The following HS1BP3 variants were observed in gnomAD, a reference collection of about 807,000 sequenced individuals.
HS1BP3 encodes HCLS1 binding protein 3.
Under a neutral mutation model 33.5 loss-of-function variants are expected in HS1BP3, and 32 were observed. The ratio of observed to expected loss-of-function variants is 0.95; its 90% CI spans 0.72 to 1.28. The LOEUF is 1.28. HS1BP3 is among the 50% of genes most tolerant of loss of function. HS1BP3 has a pLI of 0.00. For missense variants in HS1BP3, 486 were observed against 502.3 expected, an observed-to-expected ratio of 0.97 and a Z score of 0.31; for synonymous variants, 187 against 209.2, an observed-to-expected ratio of 0.89 and a Z score of 0.92.
intron 2 of HS1BP3, among the ~76,000 whole-genome samples, chr2:20,612,370 G>A (rs184016598): frequency 1.3e-5 from 2 of 152,202 alleles, no homozygotes; most frequent in East Asian, 3.9e-4. Flanking sequence ...GTGTACAATT[G>A]AACAATTTTA....
rs558586479 is a variant in HS1BP3, at chr2:20,632,775, A to G, written c.623+5661T>C. ...TAAGCAGGCTCCTTCCTCCAGGGCCAGGGGCTGCCCCACCTCCAGAATCGC... is the reference window on the plus strand; with the variant it reads ...TAAGCAGGCTCCTTCCTCCAGGGCCGGGGGCTGCCCCACCTCCAGAATCGC... On this transcript the variant is annotated intron_variant, in intron 4 of 6. Transcript: ENST00000304031. Among the ~76,000 whole-genome samples the G allele has an allele frequency of 5.9e-5, 9 of 152,326 alleles. No homozygotes were observed. In the East Asian group the frequency reaches 9.7e-4, roughly 16 times the overall value.
downstream of HS1BP3, among the ~76,000 whole-genome samples, chr2:20,557,117 C>A (rs114939147): frequency 4.9e-3 from 751 of 152,326 alleles, 11 homozygotes; most frequent in African/African-American, 0.018. Context: ...GGTTCAAAAT[C>A]ATTTTCTCTC....
At chr2:20,567,903 C>A (rs1249876352) in intron 5 of HS1BP3, among the ~76,000 whole-genome samples, 1 of 152,162 alleles carries the variant, frequency 6.6e-6, no homozygotes, top group Admixed American at 6.5e-5. Context: ...CCACAGCTGG[C>A]CCCCAGCACC....
intron 4 of HS1BP3, among the ~76,000 whole-genome samples, chr2:20,632,758 C>A (rs1323800360): frequency 6.6e-6 from 1 of 152,196 alleles, no homozygotes; most frequent in East Asian, 1.9e-4. Flanking sequence ...GGTAAGCAGG[C>A]TCCTTCCTCC....
At chr2:20,617,311 T>G (rs1694450238), downstream of HS1BP3, among the ~76,000 whole-genome samples, 1 of 151,532 alleles carries the variant, frequency 6.6e-6, no homozygotes, top group Non-Finnish European at 1.5e-5. Flanking sequence ...GGGGCGGGTG[T>G]GAAGGGGGAA....
At chr2:20,577,002 T>C (rs1291366924) in intron 5 of HS1BP3, among the ~76,000 whole-genome samples, 1 of 152,224 alleles carries the variant, frequency 6.6e-6, no homozygotes, top group East Asian at 1.9e-4. Context: ...TTCCTGGGAA[T>C]GCCCTGGGAA....
At chr2:20,607,438 G>A (rs1390814644) in intron 2 of HS1BP3, among the ~76,000 whole-genome samples, 1 of 152,196 alleles carries the variant, frequency 6.6e-6, no homozygotes, top group Non-Finnish European at 1.5e-5. Context: ...TTACAGGCAT[G>A]AGCCACCACA....
intron 5 of HS1BP3, among the ~76,000 whole-genome samples, chr2:20,561,024 A>C (rs1692980080): frequency 6.6e-6 from 1 of 152,024 alleles, no homozygotes; most frequent in African/African-American, 2.4e-5. Flanking sequence ...CAGCCAGTAC[A>C]CCCTACCCCC....
chr2:20,644,461 G>A (rs189393184), intron 2 of HS1BP3, among the ~76,000 whole-genome samples: 1 of 152,094 alleles, frequency 6.6e-6, no homozygotes, highest in East Asian at 1.9e-4. Context: ...GCCTGAGCTC[G>A]TCCCGAGCTC....
chr2:20,604,683 A>G (rs1694136720), intron 2 of HS1BP3, among the ~76,000 whole-genome samples: 1 of 152,216 alleles, frequency 6.6e-6, no homozygotes, highest in Admixed American at 6.5e-5. Context: ...GCAAGCTGGG[A>G]TTCACATCCA....
At chr2:20,585,722 T>C (rs62124228) in intron 5 of HS1BP3, among the ~76,000 whole-genome samples, 11,839 of 152,290 alleles carry the variant, frequency 0.078, 635 homozygotes, top group African/African-American at 0.15. Context: ...CAGCTCTTCT[T>C]CCAGCCCCAC....
At chr2:20,633,202 C>A (rs945222882) in intron 4 of HS1BP3, among the ~76,000 whole-genome samples, 6 of 152,180 alleles carry the variant, frequency 3.9e-5, no homozygotes, top group African/African-American at 1.4e-4. Context: ...GGGGTAGCCA[C>A]ACATCCTGGG....
At chr2:20,577,966 A>G (rs992410716) in intron 5 of HS1BP3, among the ~76,000 whole-genome samples, 5 of 152,088 alleles carry the variant, frequency 3.3e-5, no homozygotes, top group Admixed American at 3.3e-4. Flanking sequence ...TGTGACTTCA[A>G]CCCCCTTCAC....
chr2:20,630,675 G>A (rs12329112), intron 4 of HS1BP3, among the ~76,000 whole-genome samples: 7,251 of 152,294 alleles, frequency 0.048, 590 homozygotes, highest in African/African-American at 0.16. Flanking sequence ...CCTTGGAGAA[G>A]CAATCACAAG....
At chr2:20,578,141 C>T (rs777348802) in intron 5 of HS1BP3, among the ~76,000 whole-genome samples, 2 of 152,218 alleles carry the variant, frequency 1.3e-5, no homozygotes, top group Non-Finnish European at 2.9e-5. Flanking sequence ...GTGCAGGAAG[C>T]AGGCTCACGT....
downstream of HS1BP3, among the ~76,000 whole-genome samples, chr2:20,559,358 G>A (rs116046435): frequency 8.1e-3 from 1,228 of 152,342 alleles, 16 homozygotes; most frequent in African/African-American, 0.029. Flanking sequence ...AGCACCTCAA[G>A]GGTAGGATTG....
chr2:20,596,755 C>T (rs1186288118), intron 3 of HS1BP3, among the ~76,000 whole-genome samples: 1 of 152,232 alleles, frequency 6.6e-6, no homozygotes, highest in African/African-American at 2.4e-5. Context: ...CTACCCATCA[C>T]AGCCTTCCTC....
downstream of HS1BP3, among the ~76,000 whole-genome samples, chr2:20,615,108 G>C (rs1050560636): frequency 4.6e-5 from 7 of 152,214 alleles, no homozygotes; most frequent in African/African-American, 1.4e-4. Context: ...ACCGGGCAGG[G>C]AAGTCCCTCT....
chr2:20,626,095 C>T lies in HS1BP3; in HGVS notation c.624-1203G>A, dbSNP rs1004435435. Among the ~76,000 whole-genome samples, 5 of 152,156 alleles carry T rather than the reference C, an allele frequency of 3.3e-5. No homozygotes were observed. In the East Asian group the frequency reaches 5.8e-4, roughly 18 times the overall value. On this transcript the variant is annotated intron_variant, in intron 4 of 6. Coordinates refer to ENST00000304031, the MANE Select transcript of HS1BP3 (RefSeq NM_022460.4). Reference sequence around the variant, plus strand: ...ACCATCTGAGCTCATGTTGGTAACACGCTGCGGCAAAACTGCACCGAGAGG... The same window carrying T: ...ACCATCTGAGCTCATGTTGGTAACATGCTGCGGCAAAACTGCACCGAGAGG...
Sources: gnomAD v4.1 joint callset for allele counts (sites outside exome capture counted in the v4.1 genomes callset) on GRCh38, gnomAD v4.1.1 for gene constraint, MANE v1.5 for transcripts, NCBI Gene and HGNC (gene_info 2026-07-23, HGNC 2026-07-21) for gene names.